Variants in LDLRAD4 observed in about 807,000 individuals in gnomAD.
LDLRAD4 encodes low density lipoprotein receptor class A domain containing 4.
In LDLRAD4, 5 loss-of-function variants were observed where a neutral mutation model predicts 17.0. That is an observed-to-expected ratio of 0.29 (90% CI 0.15 to 0.62). The LOEUF (loss-of-function observed/expected upper bound fraction) is 0.62. LDLRAD4 is among the 20% of genes least tolerant of loss of function. LDLRAD4 has a pLI of 0.84. For missense variants in LDLRAD4, 340 were observed against 424.7 expected, an observed-to-expected ratio of 0.80 and a Z score of 1.75; for synonymous variants, 168 against 171.8, an observed-to-expected ratio of 0.98 and a Z score of 0.17.
chr18:13,345,822 C>G (rs2082650655), intron 1 of LDLRAD4, among the ~76,000 whole-genome samples: 1 of 152,026 alleles, frequency 6.6e-6, no homozygotes, highest in Non-Finnish European at 1.5e-5. Context: ...TGTATGTGTC[C>G]AGGAATGTAT....
At chr18:13,252,079 T>G (rs1319482609) in intron 1 of LDLRAD4, among the ~76,000 whole-genome samples, 1 of 152,210 alleles carries the variant, frequency 6.6e-6, no homozygotes, top group Non-Finnish European at 1.5e-5. Flanking sequence ...TTGGAATGTC[T>G]CCTTGTATTA....
At chr18:13,642,760 G>GCT in intron 4 of LDLRAD4, 3 of 1,230,330 alleles carry the variant, frequency 2.4e-6, no homozygotes, top group Non-Finnish European at 2.0e-6. Context: ...GCACACAGGT[G>GCT]TAGAGAGTGA....
intron 1 of LDLRAD4, among the ~76,000 whole-genome samples, chr18:13,333,930 C>T (rs867058721): frequency 6.6e-6 from 1 of 152,096 alleles, no homozygotes; most frequent in South Asian, 2.1e-4. Context: ...TTGTTGATTC[C>T]CACAAAATAA....
At chr18:13,309,450 C>T (rs1274871657) in intron 1 of LDLRAD4, among the ~76,000 whole-genome samples, 3 of 152,176 alleles carry the variant, frequency 2.0e-5, no homozygotes, top group African/African-American at 2.4e-5. Flanking sequence ...AAGCCTGTTA[C>T]GTTTATTACT....
intron 1 of LDLRAD4, among the ~76,000 whole-genome samples, chr18:13,269,678 C>G (rs563526933): frequency 6.6e-6 from 1 of 152,164 alleles, no homozygotes; most frequent in East Asian, 1.9e-4. Context: ...CATGTGCTCA[C>G]ACTTGGAGTC....
chr18:13,307,175 G>A (rs1175962742), intron 1 of LDLRAD4, among the ~76,000 whole-genome samples: 1 of 152,128 alleles, frequency 6.6e-6, no homozygotes, highest in African/African-American at 2.4e-5. Flanking sequence ...AAAGGCAGAT[G>A]GAAATTGCAG....
chr18:13,289,883 T>C lies in LDLRAD4; in HGVS notation c.-383+11695T>C, dbSNP rs182397393. Among the ~76,000 whole-genome samples the C allele has an allele frequency of 2.1e-4, 32 of 152,334 alleles. No homozygotes were observed. The East Asian group carries it at 4.4e-3, about 21-fold the overall frequency. ...AGAATAATCCCATCATATCTCAGCCTTCCTTGTGATATTGGGGGCTCCTGG... is the reference window on the plus strand; with the variant it reads ...AGAATAATCCCATCATATCTCAGCCCTCCTTGTGATATTGGGGGCTCCTGG... On this transcript the variant is annotated intron_variant, in intron 1 of 5. Coordinates refer to ENST00000359446, the Ensembl canonical transcript of LDLRAD4.
chr18:13,300,083 C>G lies in LDLRAD4; in HGVS notation c.-383+21895C>G, dbSNP rs1005230163. 1.3e-5 allele frequency among the ~76,000 whole-genome samples: 2 copies of G among 152,186 alleles called. No individual in the cohort carries two copies. The highest frequency in any genetic ancestry group is 3.9e-4 in the East Asian group (2 of 5,192). On this transcript the variant is annotated intron_variant, in intron 1 of 5. Coordinates refer to ENST00000359446, the Ensembl canonical transcript of LDLRAD4. The surrounding 1 kb of genome is among the most constrained non-coding windows in gnomAD (Gnocchi z 4.2). ...TGTGTTTGATTTGGGAACAGCTGGT[C>G]ACAGCCCATGTGGCTCTGCCCCATG...
intron 2 of LDLRAD4, among the ~76,000 whole-genome samples, chr18:13,397,611 T>C (rs2086805715): frequency 6.6e-6 from 1 of 152,176 alleles, no homozygotes. Flanking sequence ...GATCAGTGTT[T>C]CTGAATCCTA....
rs185626479 is a variant in LDLRAD4 at position 13,627,859 on chromosome 18, G to A, written c.336+6588G>A. Among the ~76,000 whole-genome samples the A allele has an allele frequency of 3.5e-3, 533 of 152,348 alleles. 1 individual carries two copies. The highest frequency in any genetic ancestry group is 0.012 in the African/African-American group (505 of 41,572). ...AGCAGCGGTGGCCAGAGGGCAGACG[G>A]TCCTGGGCAGGTGTCTGACAGCCAG... On this transcript the variant is annotated intron_variant, in intron 4 of 5. Coordinates refer to ENST00000359446, the Ensembl canonical transcript of LDLRAD4.
intron 3 of LDLRAD4, among the ~76,000 whole-genome samples, chr18:13,583,566 A>G (rs947545281): frequency 6.6e-6 from 1 of 152,230 alleles, no homozygotes; most frequent in South Asian, 2.1e-4. Flanking sequence ...GGCCGCTGAG[A>G]TATTTAGAGG....
At chr18:13,389,763 G>C (rs954462127) in intron 2 of LDLRAD4, among the ~76,000 whole-genome samples, 1 of 151,708 alleles carries the variant, frequency 6.6e-6, no homozygotes, top group Admixed American at 6.6e-5. Context: ...TGGGGTGCTG[G>C]GGATACCTCT....
chr18:13,526,465 A>G (rs2094033409), intron 3 of LDLRAD4: 1 of 152,266 alleles, frequency 6.6e-6, no homozygotes, highest in East Asian at 1.9e-4. Context: ...TAAAAAAGCA[A>G]TTAAAAAGTC....
chr18:13,644,361 G>A (rs903200666), intron 5 of LDLRAD4, among the ~76,000 whole-genome samples: 1 of 135,914 alleles, frequency 7.4e-6, no homozygotes, highest in Non-Finnish European at 1.5e-5. Flanking sequence ...AAGCTCAGGA[G>A]TTCAAGACAA....
intron 1 of LDLRAD4, among the ~76,000 whole-genome samples, chr18:13,242,733 T>C (rs2042728291): frequency 6.6e-6 from 1 of 152,256 alleles, no homozygotes; most frequent in Admixed American, 6.5e-5. Flanking sequence ...TGGCTTTTAG[T>C]GTAACCATCA....
At chr18:13,519,941 C>G (rs149502840) in intron 3 of LDLRAD4, 43 of 152,242 alleles carry the variant, frequency 2.8e-4, no homozygotes, top group African/African-American at 1.0e-3. Flanking sequence ...CTGTTAAGTA[C>G]AAAAGCTTAA....
intron 3 of LDLRAD4, among the ~76,000 whole-genome samples, chr18:13,582,639 C>A (rs1405569482): frequency 6.6e-6 from 1 of 152,268 alleles, no homozygotes; most frequent in Non-Finnish European, 1.5e-5. Context: ...CCTCCTCAGC[C>A]TTGCCACGAG....
At chr18:13,578,196 G>A (rs559287336) in intron 3 of LDLRAD4, among the ~76,000 whole-genome samples, 21 of 152,334 alleles carry the variant, frequency 1.4e-4, no homozygotes, top group Non-Finnish European at 2.2e-4. Flanking sequence ...AAGCTCATCC[G>A]TGGGTCTCAG....
chr18:13,597,446 T>A (rs1309104976), intron 3 of LDLRAD4, among the ~76,000 whole-genome samples: 1 of 152,178 alleles, frequency 6.6e-6, no homozygotes, highest in Non-Finnish European at 1.5e-5. Context: ...ATAGATTAAC[T>A]TTTTCAATAA....
Sources: gnomAD v4.1 joint callset for allele counts (sites outside exome capture counted in the v4.1 genomes callset) on GRCh38, gnomAD v4.1.1 for gene constraint, Gnocchi (gnomAD v3.1) non-coding constraint, MANE v1.5 for transcripts, NCBI Gene and HGNC (gene_info 2026-07-23, HGNC 2026-07-21) for gene names.